Variants in GASK1A observed in about 807,000 individuals in gnomAD.
GASK1A encodes the protein golgi associated kinase 1A, also known as Golgi-associated kinase 1A.
A neutral mutation model predicts 41.2 loss-of-function variants in GASK1A; 40 were observed. That is an observed-to-expected ratio of 0.97 (90% CI 0.75 to 1.27). The LOEUF is 1.27. GASK1A is among the 50% of genes most tolerant of loss of function. The pLI, the probability that GASK1A is intolerant of heterozygous loss-of-function variation, is 0.00. For synonymous variants in GASK1A, 316 were observed against 307.1 expected (o/e 1.03, Z -0.30); for missense variants, 678 against 745.1 (o/e 0.91, Z 1.05).
intron 2 of GASK1A, among the ~76,000 whole-genome samples, chr3:43,040,023 T>G (rs1442971315): frequency 6.6e-6 from 1 of 152,224 alleles, no homozygotes; most frequent in Non-Finnish European, 1.5e-5. Context: ...GTTTTAAAAA[T>G]GTACATTGTT....
At chr3:42,989,145 T>C (rs940443880) in intron 1 of GASK1A, among the ~76,000 whole-genome samples, 6 of 151,974 alleles carry the variant, frequency 3.9e-5, no homozygotes, top group African/African-American at 1.5e-4. Context: ...ATGAATGAAC[T>C]GCAGCCCAGG....
intron 2 of GASK1A, among the ~76,000 whole-genome samples, chr3:43,045,403 C>T (rs1200397711): frequency 6.6e-6 from 1 of 152,146 alleles, no homozygotes; most frequent in Non-Finnish European, 1.5e-5. Context: ...GACAGACAAG[C>T]CAGTCCTGCC....
chr3:43,042,006 C>A (rs2089640449), intron 2 of GASK1A, among the ~76,000 whole-genome samples: 1 of 152,124 alleles, frequency 6.6e-6, no homozygotes, highest in Non-Finnish European at 1.5e-5. Flanking sequence ...GCAGGTTGCT[C>A]TTCTGGAGTC....
At chr3:43,053,696 G>T (rs1193811244) in intron 3 of GASK1A, 53 bp downstream of exon 3, 1 of 1,547,308 alleles carries the variant, frequency 6.5e-7, no homozygotes, top group Non-Finnish European at 8.7e-7. Context: ...GTCTTTCTGT[G>T]TCCTTCAGAA....
intron 1 of GASK1A, among the ~76,000 whole-genome samples, chr3:42,996,929 G>A (rs915771676): frequency 6.6e-6 from 1 of 152,234 alleles, no homozygotes; most frequent in Non-Finnish European, 1.5e-5. Context: ...GAGGCCATTT[G>A]TCTTTCTGAT....
intron 1 of GASK1A, among the ~76,000 whole-genome samples, chr3:42,999,427 G>A (rs2125676434): frequency 6.6e-6 from 1 of 152,318 alleles, no homozygotes; most frequent in Non-Finnish European, 1.5e-5. Flanking sequence ...CCCCAAGCCT[G>A]CCTCCCTGCT....
chr3:42,997,836 C>T (rs182049173), intron 1 of GASK1A, among the ~76,000 whole-genome samples: 101 of 152,190 alleles, frequency 6.6e-4, no homozygotes, highest in African/African-American at 2.3e-3. Context: ...GACAGCAGTA[C>T]GGAGGGAGGA....
At chr3:43,009,590 G>A (rs1379444469) in intron 1 of GASK1A, among the ~76,000 whole-genome samples, 1 of 152,156 alleles carries the variant, frequency 6.6e-6, no homozygotes, top group African/African-American at 2.4e-5. Flanking sequence ...AAATTTTGAA[G>A]TCTCTTTTTC....
rs185441287 is a variant in GASK1A, at chr3:43,018,667, C to A, written c.4-13600C>A. Among the ~76,000 whole-genome samples the A allele has an allele frequency of 2.0e-5, 3 of 152,308 alleles. No individual in the cohort carries two copies. In the East Asian group the frequency reaches 5.8e-4, roughly 29 times the overall value. On this transcript the variant is annotated intron_variant, in intron 1 of 4. Coordinates refer to ENST00000430121, the MANE Select transcript of GASK1A (RefSeq NM_001129908.3). ...ACAAGAGACATAACAAAGCTGTTTT[C>A]ATTTTGAATGAAAAACATTTAACCT...
At chr3:43,008,091 T>G (rs2089445614) in intron 1 of GASK1A, among the ~76,000 whole-genome samples, 1 of 152,188 alleles carries the variant, frequency 6.6e-6, no homozygotes, top group African/African-American at 2.4e-5. Context: ...ACTGATGGAG[T>G]TAGCTAGACC....
intron 1 of GASK1A, among the ~76,000 whole-genome samples, chr3:43,013,739 C>T (rs2089475836): frequency 6.6e-6 from 1 of 150,686 alleles, no homozygotes; most frequent in South Asian, 2.1e-4. Context: ...AGTGTGATAT[C>T]ACAGGAAGGA....
chr3:43,040,881 C>CTCCA (rs2089633347), intron 2 of GASK1A, among the ~76,000 whole-genome samples: 1 of 126,680 alleles, frequency 7.9e-6, no homozygotes, highest in Non-Finnish European at 1.8e-5. Context: ...ATCCCTCCCC[C>CTCCA]CCGCCACAAC....
rs1469886840 is a variant in GASK1A, at chr3:43,033,179, C to T, written c.916C>T (p.Pro306Ser). 3.2e-6 allele frequency: 5 copies of T among 1,551,038 alleles called. No individual in the cohort carries two copies. Among genetic ancestry groups the T allele is most frequent in the East Asian group, 2.4e-5 (1 of 40,894 alleles). The change falls in exon 2 of 5, where the codon CCC (proline) becomes TCC (serine). Residue 306 changes from proline (P) to serine (S), a missense_variant. Physicochemically the swap from Pro to Ser is moderately conservative, Grantham distance 74. Coordinates refer to ENST00000430121, the MANE Select transcript of GASK1A (RefSeq NM_001129908.3). ...TEAALQDLSS[P>S]RLSQLCSQGL... is the part of the protein sequence containing the mutation. ...GGCTGCCCTTCAGGACCTGTCCTCT[C>T]CCAGGCTCAGCCAACTCTGTTCCCA... is the stretch of plus-strand genomic sequence containing the variant.
At chr3:43,056,061 C>A in intron 4 of GASK1A, 115 bp from the exon 5 acceptor site, 1 of 814,968 alleles carries the variant, frequency 1.2e-6, no homozygotes, top group Non-Finnish European at 1.9e-6. Flanking sequence ...GGTGACTTTA[C>A]CAGAGTTCCT....
chr3:43,026,763 A>G (rs763886931), intron 1 of GASK1A, among the ~76,000 whole-genome samples: 1 of 152,190 alleles, frequency 6.6e-6, no homozygotes, highest in Non-Finnish European at 1.5e-5. Flanking sequence ...GAAACATATA[A>G]GGAAGATAAA....
intron 2 of GASK1A, among the ~76,000 whole-genome samples, chr3:43,034,446 G>A (rs539251888): frequency 1.3e-5 from 2 of 152,300 alleles, no homozygotes; most frequent in South Asian, 2.1e-4. Context: ...TGGCTGTTCC[G>A]GTGCCCATGA....
At chr3:43,026,193 G>A (rs1034904646) in intron 1 of GASK1A, among the ~76,000 whole-genome samples, 2 of 152,010 alleles carry the variant, frequency 1.3e-5, no homozygotes, top group East Asian at 1.9e-4. Context: ...GATTAGAAAA[G>A]CAGAGGACAC....
At chr3:43,020,168 T>C (rs2089514225) in intron 1 of GASK1A, among the ~76,000 whole-genome samples, 2 of 151,974 alleles carry the variant, frequency 1.3e-5, no homozygotes, top group Middle Eastern at 3.4e-3. Flanking sequence ...AAGATCCTGA[T>C]TGGATTTCCC....
At chr3:43,007,959 A>T (rs116092547) in intron 1 of GASK1A, among the ~76,000 whole-genome samples, 79 of 152,322 alleles carry the variant, frequency 5.2e-4, no homozygotes, top group Non-Finnish European at 9.8e-4. Flanking sequence ...CAGGAAGAGG[A>T]TGGCTTCCAG....
Sources: allele counts gnomAD v4.1 joint callset (sites outside exome capture counted in the v4.1 genomes callset), GRCh38; gene constraint gnomAD v4.1.1; transcripts MANE v1.5; gene names NCBI Gene and HGNC (gene_info 2026-07-23, HGNC 2026-07-21).